Variants in AP2A2 observed in about 807,000 individuals in gnomAD.
AP2A2 encodes the protein adaptor related protein complex 2 subunit alpha 2.
In AP2A2, 32 loss-of-function variants were observed where a neutral mutation model predicts 104.2. The observed-to-expected ratio is 0.31, with a 90% CI of 0.23 to 0.41. AP2A2 has a LOEUF of 0.41. AP2A2 is among the 10% of genes least tolerant of loss of function. AP2A2 has a pLI of 1.00. For synonymous variants in AP2A2, 539 were observed against 533.3 expected (o/e 1.01, Z -0.15); for missense variants, 912 against 1,261.0 (o/e 0.72, Z 4.19).
intron 6 of AP2A2, among the ~76,000 whole-genome samples, chr11:983,655 T>C (rs913163931): frequency 5.3e-5 from 8 of 152,304 alleles, no homozygotes; most frequent in Middle Eastern, 3.4e-3. Flanking sequence ...AGTGCTGGGA[T>C]TACAGGCGGG....
chr11:950,985 G>A (rs1005930690), intron 1 of AP2A2, among the ~76,000 whole-genome samples: 1 of 151,888 alleles, frequency 6.6e-6, no homozygotes, highest in Non-Finnish European at 1.5e-5. Flanking sequence ...CCAGCTTCTT[G>A]GGAGGCTGAG....
Position 1,007,421 on chromosome 11 carries a change from G to C in AP2A2, c.2297-591G>C, listed in dbSNP as rs142315813. 806 of 156,444 alleles carry C rather than the reference G, an allele frequency of 5.2e-3. 7 individuals carry two copies. The highest frequency in any genetic ancestry group is 5.6e-3 in the Non-Finnish European group (393 of 70,474). The allele number at this position is 156,444 out of a possible 1,614,324, so 9.7% of individuals were successfully genotyped here. The stretch of plus-strand genomic sequence containing the variant: ...GCCCTTCTTTAGGGGTCTCTCCCTC[G>C]GGGTCCACTTGGCTCGAGGCGGCAG... On this transcript the variant is annotated intron_variant, in intron 17 of 21. Transcript: ENST00000448903.
At chr11:930,901 A>G (rs888183113) in intron 1 of AP2A2, among the ~76,000 whole-genome samples, 3 of 152,206 alleles carry the variant, frequency 2.0e-5, no homozygotes, top group Admixed American at 6.5e-5. Context: ...ACACACCACC[A>G]GGCATATTCA....
intron 1 of AP2A2, among the ~76,000 whole-genome samples, chr11:953,472 G>A (rs1589960768): frequency 6.6e-6 from 1 of 152,056 alleles, no homozygotes; most frequent in African/African-American, 2.4e-5. Flanking sequence ...GCCTGAATGC[G>A]TATTTTTATG....
At chr11:945,057 T>A (rs778693414) in intron 1 of AP2A2, among the ~76,000 whole-genome samples, 4 of 151,896 alleles carry the variant, frequency 2.6e-5, no homozygotes, top group Non-Finnish European at 5.9e-5. Flanking sequence ...AGGCATGGAA[T>A]GCAGGGGTGA....
At chr11:999,934 G>A (rs1460896189) in intron 14 of AP2A2, among the ~76,000 whole-genome samples, 1 of 151,512 alleles carries the variant, frequency 6.6e-6, no homozygotes, top group Non-Finnish European at 1.5e-5. Context: ...CTCCCGAGTA[G>A]CTGGGACTAC....
intron 1 of AP2A2, among the ~76,000 whole-genome samples, chr11:947,290 C>T (rs911143541): frequency 2.6e-5 from 4 of 152,254 alleles, no homozygotes; most frequent in African/African-American, 7.2e-5. Flanking sequence ...AGATTGCAGG[C>T]GTGAGCCATT....
At position 955,541 on chromosome 11, in the gene AP2A2, CAGG is replaced by C. The variant is rs377213500; in HGVS notation, c.68-3892_68-3890del. Reference sequence around the variant, plus strand: ...GGCTGGGAAGAGAGACTGACTGGGACAGGAGGTTTGGGTGTGTCTGTGTTTTGT... The same window carrying C: ...GGCTGGGAAGAGAGACTGACTGGGACAGGTTTGGGTGTGTCTGTGTTTTGT... On this transcript the variant is annotated intron_variant, in intron 1 of 21. Coordinates refer to ENST00000448903, the MANE Select transcript of AP2A2 (RefSeq NM_012305.4). 4.3e-3 allele frequency among the ~76,000 whole-genome samples: 659 copies of C among 152,246 alleles called. 2 individuals carry two copies. The highest frequency in any genetic ancestry group is 0.015 in the African/African-American group (638 of 41,552).
chr11:975,296 G>A (rs1042227259), intron 4 of AP2A2, among the ~76,000 whole-genome samples: 17 of 151,448 alleles, frequency 1.1e-4, no homozygotes, highest in Non-Finnish European at 2.1e-4. Context: ...AGCCGACATC[G>A]GAGAGTAGCA....
At chr11:972,888 G>T (rs1245800721) in intron 4 of AP2A2, among the ~76,000 whole-genome samples, 1 of 152,260 alleles carries the variant, frequency 6.6e-6, no homozygotes, top group African/African-American at 2.4e-5. Context: ...GTTCCCCAGG[G>T]CTTCACGCGG....
chr11:925,968 C>T lies in AP2A2; in HGVS notation c.-54C>T. The T allele has an allele frequency of 7.5e-7, 1 of 1,339,690 alleles. No homozygotes were observed. The highest frequency in any genetic ancestry group is 1.6e-5 in the South Asian group (1 of 62,210). 83.0% of individuals were successfully genotyped at this position (1,339,690 alleles called of 1,614,324 possible). A position where few individuals can be genotyped will look rare whatever the true frequency, so the allele number is the denominator to read the frequency against. On this transcript the variant is annotated 5_prime_UTR_variant, in exon 1 of 22. Coordinates refer to ENST00000448903, the MANE Select transcript of AP2A2 (RefSeq NM_012305.4). ...CGACCGCACTCCCCGCTTCCCGCTC[C>T]CCGCGCTCCTCCGCCCGGGTCCGCC...
chr11:995,241 G>A (rs1855812389), intron 14 of AP2A2: 1 of 452,632 alleles, frequency 2.2e-6, no homozygotes, highest in Non-Finnish European at 4.5e-6. Context: ...TGCTCTTCGA[G>A]GTTTTATGTA....
intron 2 of AP2A2, among the ~76,000 whole-genome samples, chr11:962,154 G>T (rs1267934472): frequency 6.6e-6 from 1 of 152,268 alleles, no homozygotes; most frequent in Admixed American, 6.5e-5. Context: ...TCAACCTGGG[G>T]GAGCCGGACC....
intron 10 of AP2A2, among the ~76,000 whole-genome samples, chr11:990,659 A>G (rs1448246525): frequency 1.1e-4 from 14 of 129,862 alleles, no homozygotes; most frequent in South Asian, 5.2e-4. Flanking sequence ...TTTCAGCCGG[A>G]CATGATGCTC....
At chr11:953,036 T>C (rs963870117) in intron 1 of AP2A2, among the ~76,000 whole-genome samples, 1 of 152,248 alleles carries the variant, frequency 6.6e-6, no homozygotes, top group Non-Finnish European at 1.5e-5. Context: ...GCAGGGGTGC[T>C]GCGTTGATCA....
At chr11:999,713 T>C (rs1855965681) in intron 14 of AP2A2, among the ~76,000 whole-genome samples, 1 of 152,214 alleles carries the variant, frequency 6.6e-6, no homozygotes, top group African/African-American at 2.4e-5. Flanking sequence ...TGATTAATAA[T>C]GCACCCGAGT....
chr11:969,661 G>T (rs1020416033), intron 2 of AP2A2, among the ~76,000 whole-genome samples: 1 of 152,200 alleles, frequency 6.6e-6, no homozygotes, highest in Admixed American at 6.5e-5. Context: ...AGAAACAGAA[G>T]CCCTAGGGGC....
At chr11:966,218 C>A (rs115937205) in intron 2 of AP2A2, among the ~76,000 whole-genome samples, 1 of 152,226 alleles carries the variant, frequency 6.6e-6, no homozygotes, top group Non-Finnish European at 1.5e-5. Context: ...ATAGGCCAGG[C>A]GCGGTGGCTC....
intron 4 of AP2A2, among the ~76,000 whole-genome samples, chr11:975,773 G>A (rs374334198): frequency 6.1e-4 from 68 of 112,110 alleles, no homozygotes; most frequent in Middle Eastern, 0.014. Flanking sequence ...GTCGGAGAGT[G>A]GCGGTGGGGT....
Sources: gnomAD v4.1 joint callset for allele counts (sites outside exome capture counted in the v4.1 genomes callset) on GRCh38, gnomAD v4.1.1 for gene constraint, MANE v1.5 for transcripts, NCBI Gene and HGNC (gene_info 2026-07-23, HGNC 2026-07-21) for gene names.